Variants in ROCK2 observed in about 807,000 individuals in gnomAD.
ROCK2 encodes rho-associated protein kinase 2.
ROCK2 carries 61 observed loss-of-function variants against 195.1 expected under a neutral mutation model. The ratio of observed to expected loss-of-function variants is 0.31; its 90% CI spans 0.25 to 0.39. The LOEUF (loss-of-function observed/expected upper bound fraction) is 0.39, where lower values mean the gene tolerates loss of function less well. Ranked by LOEUF, ROCK2 falls within the 10% of genes least tolerant of loss-of-function variation. The pLI, the probability that ROCK2 is intolerant of heterozygous loss-of-function variation, is 1.00. For synonymous variants in ROCK2, 504 were observed against 545.5 expected, an observed-to-expected ratio of 0.92 and a Z score of 1.06; for missense variants, 1,109 against 1,637.4, an observed-to-expected ratio of 0.68 and a Z score of 5.57.
chr2:11,272,021 A>AC (rs1349387653), intron 3 of ROCK2, among the ~76,000 whole-genome samples: 2 of 148,290 alleles, frequency 1.3e-5, no homozygotes, highest in African/African-American at 2.5e-5. Flanking sequence ...CTCCATCTCA[A>AC]AAAAAAAAAA....
chr2:11,286,500 G>T, intron 3 of ROCK2, 39 bp downstream of exon 3: 2 of 1,260,938 alleles, frequency 1.6e-6, no homozygotes, highest in South Asian at 1.2e-5. Flanking sequence ...ACAAAACCAT[G>T]ATGTCATAGA....
intron 5 of ROCK2, among the ~76,000 whole-genome samples, chr2:11,231,962 C>T (rs575343340): frequency 6.6e-6 from 1 of 152,050 alleles, no homozygotes; most frequent in Non-Finnish European, 1.5e-5. Flanking sequence ...AAGGGCCAGA[C>T]TCTAAATATT....
At chr2:11,317,576 T>TTATATATCTATATATCTATATATATA (rs1668237737) in intron 1 of ROCK2, among the ~76,000 whole-genome samples, 1 of 29,584 alleles carries the variant, frequency 3.4e-5, no homozygotes, top group African/African-American at 1.6e-4. Context: ...ATCTACACAT[T>TTATATATCTATATATCTATATATATA]TATATATATA....
Position 11,335,299 on chromosome 2 carries a change from G to A in ROCK2, c.141+8697C>T, listed in dbSNP as rs1315484248. On this transcript the variant is annotated intron_variant, in intron 1 of 32. Transcript: ENST00000315872. ...TATATAATTTAATAATACTTTAAAG[G>A]GGGGCAGGAGTACAGATGAGAGGAA... Among the ~76,000 whole-genome samples, 4 of 152,166 alleles carry A rather than the reference G, an allele frequency of 2.6e-5. No homozygotes were observed. In the East Asian group the frequency reaches 7.7e-4, roughly 29 times the overall value.
intron 1 of ROCK2, chr2:11,309,004 C>G (rs1667950037): frequency 6.3e-7 from 1 of 1,595,512 alleles, no homozygotes; most frequent in Non-Finnish European, 8.5e-7. Flanking sequence ...CATCATAGCT[C>G]TGTGTAGCGT....
rs1330464052 is a variant in ROCK2, at chr2:11,219,413, A to G, written c.1260-387T>C. On this transcript the variant is annotated intron_variant, in intron 9 of 32. Transcript: ENST00000315872. ...GTAGTACCAGCTACTCGGGAGGCTGAGGCATGAGAATTGCTGGAACCCGGG... is the reference window on the plus strand; with the variant it reads ...GTAGTACCAGCTACTCGGGAGGCTGGGGCATGAGAATTGCTGGAACCCGGG... Among the ~76,000 whole-genome samples the G allele has an allele frequency of 2.3e-4, 34 of 149,400 alleles. No individual in the cohort carries two copies. In the Admixed American group the frequency reaches 2.3e-3, roughly 10 times the overall value.
chr2:11,201,214 C>G lies in ROCK2; in HGVS notation c.2724-71G>C. The stretch of plus-strand genomic sequence containing the variant: ...GAAGTGAAAGTTTTTGTCTAATTCA[C>G]TTCATCAATAATTTTTTATTTGGTG... On this transcript the variant is annotated intron_variant, in intron 22 of 32. Coordinates refer to ENST00000315872, the MANE Select transcript of ROCK2 (RefSeq NM_004850.5). The surrounding 1 kb of genome is among the most constrained non-coding windows in gnomAD (Gnocchi z 4.6). 2.6e-6 allele frequency: 4 copies of G among 1,535,478 alleles called. No homozygotes were observed.
intron 1 of ROCK2, among the ~76,000 whole-genome samples, chr2:11,304,075 T>A (rs907924407): frequency 1.7e-4 from 26 of 152,270 alleles, no homozygotes; most frequent in African/African-American, 6.0e-4. Context: ...TCTTTGGGCC[T>A]CCTCTCTCAA....
At chr2:11,312,317 T>C (rs1668061630) in intron 1 of ROCK2, among the ~76,000 whole-genome samples, 1 of 152,148 alleles carries the variant, frequency 6.6e-6, no homozygotes, top group Non-Finnish European at 1.5e-5. Context: ...ATTTAAAGTG[T>C]ACAATTTGAT....
At chr2:11,217,739 A>C (rs1664483801) in intron 11 of ROCK2, 1 of 155,134 alleles carries the variant, frequency 6.4e-6, no homozygotes, top group Non-Finnish European at 1.4e-5. Flanking sequence ...TAGCTATGTA[A>C]GTCTTTAAAC....
In ROCK2 at chr2:11,323,416, C is replaced by A. The variant is rs115789485; in HGVS notation, c.141+20580G>T. ...ACATTAAATCTAAAAGACACTAAATCTCTCAGGTACAGAATGAATAAACCT... is the reference window on the plus strand; with the variant it reads ...ACATTAAATCTAAAAGACACTAAATATCTCAGGTACAGAATGAATAAACCT... On this transcript the variant is annotated intron_variant, in intron 1 of 32. Transcript: ENST00000315872. Among the ~76,000 whole-genome samples, 421 of 152,212 alleles carry A rather than the reference C, an allele frequency of 2.8e-3. 2 individuals are homozygous for A. The highest frequency in any genetic ancestry group is 0.01 in the African/African-American group (417 of 41,522).
At chr2:11,281,765 C>T (rs72787686) in intron 3 of ROCK2, among the ~76,000 whole-genome samples, 6,462 of 151,960 alleles carry the variant, frequency 0.043, 276 homozygotes, top group Non-Finnish European at 0.06. Context: ...ATTAAAGCAC[C>T]TACAAAAATA....
At chr2:11,215,236 C>T (rs544771422) in intron 15 of ROCK2, 85 bp downstream of exon 15, 1 of 1,400,404 alleles carries the variant, frequency 7.1e-7, no homozygotes, top group South Asian at 1.4e-5. Flanking sequence ...GAGGTAAAGG[C>T]CTTTTGCAAC....
At chr2:11,216,573 C>T (rs1664437665) in intron 12 of ROCK2, among the ~76,000 whole-genome samples, 1 of 149,896 alleles carries the variant, frequency 6.7e-6, no homozygotes, top group Non-Finnish European at 1.5e-5. Context: ...TGCAGTGGCG[C>T]AATCTCAGCT....
chr2:11,197,399 AT>A lies in ROCK2; in HGVS notation c.3280-52del, dbSNP rs745329959. 1 of 1,568,932 alleles carries A rather than the reference AT, an allele frequency of 6.4e-7. No homozygotes were observed. Among genetic ancestry groups the A allele is most frequent in the South Asian group, 1.2e-5 (1 of 86,812 alleles). On this transcript the variant is annotated intron_variant, in intron 26 of 32. Coordinates refer to ENST00000315872, the MANE Select transcript of ROCK2 (RefSeq NM_004850.5). This position sits in a 1 kb window ranked among gnomAD's most constrained non-coding sequence, Gnocchi z 4.9. ...TTAATTGGATGCAACATAACTCAAC[AT>A]TTTGCTTCTTGGTTCAATAATAATT...
At chr2:11,298,919 T>G (rs1444813160) in intron 1 of ROCK2, among the ~76,000 whole-genome samples, 1 of 152,150 alleles carries the variant, frequency 6.6e-6, no homozygotes, top group Non-Finnish European at 1.5e-5. Flanking sequence ...ATAGTTATTA[T>G]AAATATGTTT....
intron 4 of ROCK2, among the ~76,000 whole-genome samples, chr2:11,247,642 T>C (rs1201268338): frequency 1.3e-5 from 2 of 152,174 alleles, no homozygotes; most frequent in African/African-American, 2.4e-5. Context: ...TAACCAGAAA[T>C]GGCAATCCGC....
At chr2:11,211,381 T>A (rs754759335) in intron 18 of ROCK2, among the ~76,000 whole-genome samples, 1 of 152,308 alleles carries the variant, frequency 6.6e-6, no homozygotes, top group Admixed American at 6.5e-5. Flanking sequence ...GATACACGTA[T>A]ACCGAGTGGT....
At chr2:11,298,469 C>CAA (rs771356019) in intron 1 of ROCK2, among the ~76,000 whole-genome samples, 172 of 43,410 alleles carry the variant, frequency 4.0e-3, no homozygotes, top group African/African-American at 4.7e-3. Flanking sequence ...GACTCCATCT[C>CAA]AAAAAAAAAA....
Sources: gnomAD v4.1 joint callset for allele counts (sites outside exome capture counted in the v4.1 genomes callset) on GRCh38, gnomAD v4.1.1 for gene constraint, Gnocchi (gnomAD v3.1) non-coding constraint, MANE v1.5 for transcripts, NCBI Gene and HGNC (gene_info 2026-07-23, HGNC 2026-07-21) for gene names.